ILDR2: variants seen among roughly 807,000 people sequenced by gnomAD.
ILDR2 encodes the protein immunoglobulin like domain containing receptor 2.
A neutral mutation model predicts 66.8 loss-of-function variants in ILDR2; 25 were observed. That is an observed-to-expected ratio of 0.37 (90% CI 0.27 to 0.52). The LOEUF is 0.52. Among genes scored for constraint, ILDR2 ranks in the 20% least tolerant of loss-of-function variants. The pLI, the probability that ILDR2 is intolerant of heterozygous loss-of-function variation, is 0.88. For synonymous variants in ILDR2, 367 were observed against 357.2 expected (o/e 1.03, Z -0.31); for missense variants, 827 against 876.8 (o/e 0.94, Z 0.72).
chr1:166,922,528 G>A (rs747301669), intron 8 of ILDR2, 65 bp downstream of exon 8: 8 of 1,343,002 alleles, frequency 6.0e-6, no homozygotes, highest in South Asian at 2.4e-5. Flanking sequence ...CCTTGCCTCC[G>A]ATCTACCCTG....
chr1:166,908,396 C>T lies in ILDR2; in HGVS notation c.*10959G>A, dbSNP rs1228344848. The T allele has an allele frequency of 6.6e-6, 1 of 152,166 alleles. No homozygotes were observed. The highest frequency in any genetic ancestry group is 2.4e-5 in the African/African-American group (1 of 41,428). 9.4% of individuals were successfully genotyped at this position (152,166 alleles called of 1,614,324 possible). A position where few individuals can be genotyped will look rare whatever the true frequency, so the allele number is the denominator to read the frequency against. On this transcript the variant is annotated 3_prime_UTR_variant, in exon 10 of 10. Coordinates refer to ENST00000271417, the MANE Select transcript of ILDR2 (RefSeq NM_199351.3). ...CACTAATTCCATCATAAGAGCTCCA[C>T]CCTACTGACCTAATCACCTCCCAAA... is the stretch of plus-strand genomic sequence containing the variant.
chr1:166,940,204 C>CCCA (rs766700096), intron 3 of ILDR2, among the ~76,000 whole-genome samples: 2 of 152,110 alleles, frequency 1.3e-5, no homozygotes, highest in Non-Finnish European at 1.5e-5. Flanking sequence ...ATTATATGGA[C>CCCA]CCAAGTGCCT....
In ILDR2 at chr1:166,936,466, G is replaced by A; in HGVS notation, c.703+125C>T. On this transcript the variant is annotated intron_variant, in intron 5 of 9. Transcript: ENST00000271417. This position sits in a 1 kb window ranked among gnomAD's most constrained non-coding sequence, Gnocchi z 5.0. Reference sequence around the variant, plus strand: ...AGGGGCACCCAGCGGAGAAGAGTCTGGAATGACCAATCTTGGGGGTGGCAG... The same window carrying A: ...AGGGGCACCCAGCGGAGAAGAGTCTAGAATGACCAATCTTGGGGGTGGCAG... The A allele has an allele frequency of 6.8e-7, 1 of 1,461,958 alleles. No homozygotes were observed. Among genetic ancestry groups the A allele is most frequent in the African/African-American group, 1.4e-5 (1 of 72,076 alleles). The allele number at this position is 1,461,958 out of a possible 1,614,324, so 90.6% of individuals were successfully genotyped here.
intron 3 of ILDR2, among the ~76,000 whole-genome samples, chr1:166,944,841 A>C (rs1427573739): frequency 1.3e-5 from 2 of 152,118 alleles, no homozygotes; most frequent in African/African-American, 4.8e-5. Context: ...TCACTAAAGC[A>C]GTTATCTCGT....
rs1661011836 is a variant in ILDR2, at chr1:166,936,816, GT to G, written c.557-80del. On this transcript the variant is annotated intron_variant, in intron 4 of 9. Coordinates refer to ENST00000271417, the MANE Select transcript of ILDR2 (RefSeq NM_199351.3). This position sits in a 1 kb window ranked among gnomAD's most constrained non-coding sequence, Gnocchi z 5.0. ...GGTGCACTTTGATTGGCATCTCCCG[GT>G]GAAAGGGGGAGAGGAGGAGGGACCT... 1 of 1,388,264 alleles carries G rather than the reference GT, an allele frequency of 7.2e-7. No individual in the cohort carries two copies. The highest frequency in any genetic ancestry group is 1.4e-5 in the African/African-American group (1 of 70,414). The allele number at this position is 1,388,264 out of a possible 1,614,324, so 86.0% of individuals were successfully genotyped here.
At chr1:166,957,618 G>T in intron 2 of ILDR2, 151 bp downstream of exon 2, 1 of 662,254 alleles carries the variant, frequency 1.5e-6, no homozygotes, top group Non-Finnish European at 2.5e-6. Flanking sequence ...GGCAATGATA[G>T]GTCTCTTGAT....
chr1:166,901,054 C>CA (rs1267659777), intron 2 of ILDR2, among the ~76,000 whole-genome samples: 1 of 152,156 alleles, frequency 6.6e-6, no homozygotes, highest in African/African-American at 2.4e-5. Context: ...AGCAAAGCCC[C>CA]AATAGCTTTA....
At chr1:166,907,726 G>A (rs2101816153), downstream of ILDR2, among the ~76,000 whole-genome samples, 1 of 152,218 alleles carries the variant, frequency 6.6e-6, no homozygotes, top group East Asian at 1.9e-4. Context: ...GTTATATAAT[G>A]TAATGTAAAA....
intron 2 of ILDR2, among the ~76,000 whole-genome samples, chr1:166,901,520 C>T (rs1404189847): frequency 6.6e-6 from 1 of 152,072 alleles, no homozygotes; most frequent in Non-Finnish European, 1.5e-5. Context: ...TCTCCTCTTC[C>T]CTCCCTCATC....
chr1:166,972,747 G>C (rs889201674), intron 1 of ILDR2, among the ~76,000 whole-genome samples: 3 of 152,114 alleles, frequency 2.0e-5, no homozygotes, highest in African/African-American at 7.2e-5. Context: ...GTGGGAGAGA[G>C]ATGGTGGGGA....
chr1:166,904,075 T>A (rs1346846852), downstream of ILDR2, among the ~76,000 whole-genome samples: 1 of 152,212 alleles, frequency 6.6e-6, no homozygotes, highest in Non-Finnish European at 1.5e-5. Context: ...GCCTTATTTG[T>A]CTTAATCTTA....
intron 2 of ILDR2, among the ~76,000 whole-genome samples, chr1:166,900,300 C>T (rs1489531540): frequency 6.6e-6 from 1 of 152,010 alleles, no homozygotes. Flanking sequence ...AGGCCTGTCT[C>T]ACCCATCGCC....
In ILDR2 at chr1:166,914,474, A is replaced by C. The variant is rs1225371093; in HGVS notation, c.*4881T>G. 1 of 152,260 alleles carries C rather than the reference A, an allele frequency of 6.6e-6. No homozygotes were observed. The highest frequency in any genetic ancestry group is 2.4e-5 in the African/African-American group (1 of 41,482). 9.4% of individuals were successfully genotyped at this position (152,260 alleles called of 1,614,324 possible). A position where few individuals can be genotyped will look rare whatever the true frequency, so the allele number is the denominator to read the frequency against. Reference sequence around the variant, plus strand: ...CTTAGTATTTTTCAACCTCAGTTTTACATTCTATGTAATGAGACCACAACA... The same window carrying C: ...CTTAGTATTTTTCAACCTCAGTTTTCCATTCTATGTAATGAGACCACAACA... On this transcript the variant is annotated 3_prime_UTR_variant, in exon 10 of 10. Transcript: ENST00000271417.
Position 166,918,291 on chromosome 1 carries a change from G to T in ILDR2, c.*1064C>A, listed in dbSNP as rs1659717679. On this transcript the variant is annotated 3_prime_UTR_variant, in exon 10 of 10. Coordinates refer to ENST00000271417, the MANE Select transcript of ILDR2 (RefSeq NM_199351.3). Reference sequence around the variant, plus strand: ...CCCATGTCCTAGAATGGCAGAACTGGGATGGCAGAAACAATTAACGGCAAG... The same window carrying T: ...CCCATGTCCTAGAATGGCAGAACTGTGATGGCAGAAACAATTAACGGCAAG... 6.6e-6 allele frequency: 1 copy of T among 152,166 alleles called. No homozygotes were observed. Among genetic ancestry groups the T allele is most frequent in the Admixed American group, 6.5e-5 (1 of 15,282 alleles). 9.4% of individuals were successfully genotyped at this position (152,166 alleles called of 1,614,324 possible).
At chr1:166,903,889 A>C (rs773252610), downstream of ILDR2, among the ~76,000 whole-genome samples, 1 of 152,186 alleles carries the variant, frequency 6.6e-6, no homozygotes, top group Non-Finnish European at 1.5e-5. Flanking sequence ...ACAGTTTGAA[A>C]ATGTCCCATC....
chr1:166,919,979 A>G (rs1659808648), intron 9 of ILDR2, among the ~76,000 whole-genome samples: 1 of 152,154 alleles, frequency 6.6e-6, no homozygotes, highest in Admixed American at 6.5e-5. Context: ...CACAGCGGAC[A>G]TTTGTGACTG....
chr1:166,972,906 C>T (rs182207503), intron 1 of ILDR2, among the ~76,000 whole-genome samples: 3 of 152,284 alleles, frequency 2.0e-5, no homozygotes, highest in East Asian at 1.9e-4. Context: ...TCTCACCTTT[C>T]GTCTCATGGT....
rs1270232602 is a variant in ILDR2 at position 166,975,380 on chromosome 1, G to T, written c.-112C>A. The T allele has an allele frequency of 1.7e-6, 1 of 592,892 alleles. No homozygotes were observed. Among genetic ancestry groups the T allele is most frequent in the African/African-American group, 2.0e-5 (1 of 49,434 alleles). The allele number at this position is 592,892 out of a possible 1,614,324, so 36.7% of individuals were successfully genotyped here. ...GCGGCGGCGGAGCGGCGGGCACCGG[G>T]CGTCCCTGGGCGCAGCGCCCGCCGG... On this transcript the variant is annotated 5_prime_UTR_variant, in exon 1 of 10. Transcript: ENST00000271417.
chr1:166,925,351 AGTT>A (rs540959972), intron 7 of ILDR2, among the ~76,000 whole-genome samples: 1 of 152,204 alleles, frequency 6.6e-6, no homozygotes, highest in Non-Finnish European at 1.5e-5. Flanking sequence ...ATCTCTATGC[AGTT>A]GTTATAATAT....
Sources: gnomAD v4.1 joint callset for allele counts (sites outside exome capture counted in the v4.1 genomes callset) on GRCh38, gnomAD v4.1.1 for gene constraint, Gnocchi (gnomAD v3.1) non-coding constraint, MANE v1.5 for transcripts, NCBI Gene and HGNC (gene_info 2026-07-23, HGNC 2026-07-21) for gene names.